Variants in MGRN1 observed in about 807,000 individuals in gnomAD.
MGRN1 encodes the protein mahogunin ring finger 1, also known as E3 ubiquitin-protein ligase MGRN1.
MGRN1 carries 29 observed loss-of-function variants against 69.2 expected under a neutral mutation model. That is an observed-to-expected ratio of 0.42 (90% confidence interval 0.31 to 0.57). The LOEUF (loss-of-function observed/expected upper bound fraction) is 0.57. Ranked by LOEUF, MGRN1 falls within the 20% of genes least tolerant of loss-of-function variation. The pLI, the probability that MGRN1 is intolerant of heterozygous loss-of-function variation, is 0.15. For missense variants in MGRN1, 998 were observed against 796.2 expected, an observed-to-expected ratio of 1.25 and a Z score of -3.05; for synonymous variants, 470 against 344.2, an observed-to-expected ratio of 1.37 and a Z score of -4.04.
At chr16:4,632,579 G>T (rs1898064961) in intron 1 of MGRN1, among the ~76,000 whole-genome samples, 1 of 151,920 alleles carries the variant, frequency 6.6e-6, no homozygotes, top group Non-Finnish European at 1.5e-5. Flanking sequence ...TATTTTTAGT[G>T]GAGATGTGGT....
intron 16 of MGRN1, 84 bp from the exon 17 acceptor site, chr16:4,688,712 C>A (rs747707331): frequency 2.2e-5 from 32 of 1,477,742 alleles, no homozygotes; most frequent in Non-Finnish European, 2.7e-5. Context: ...GGCCCAGCCC[C>A]TCTGGGGCTC....
At position 4,667,977 on chromosome 16, in the gene MGRN1, C is replaced by G. The variant is rs143036630; in HGVS notation, c.679-288C>G. On this transcript the variant is annotated intron_variant, in intron 7 of 16. Transcript: ENST00000262370. ...CTGATTGGCATTCAGCTTGAGTGTG[C>G]TTGAGACCAACCGAGGAGAGTTGGG... Among the ~76,000 whole-genome samples the G allele has an allele frequency of 3.3e-3, 499 of 152,200 alleles. 3 individuals are homozygous for G. Among genetic ancestry groups the G allele is most frequent in the African/African-American group, 0.011 (472 of 41,512 alleles).
At chr16:4,664,312 A>T in intron 5 of MGRN1, 1 of 279,180 alleles carries the variant, frequency 3.6e-6, no homozygotes. Flanking sequence ...AAAAATGGCA[A>T]ATCCCTGGAG....
At chr16:4,677,312 A>G (rs2079073796) in intron 10 of MGRN1, 151 bp from the exon 11 acceptor site, 3 of 469,318 alleles carry the variant, frequency 6.4e-6, no homozygotes, top group Non-Finnish European at 7.4e-6. Flanking sequence ...CCTTAAAACT[A>G]AAAGAAAAAA....
At chr16:4,664,294 A>G in intron 5 of MGRN1, 1 of 270,806 alleles carries the variant, frequency 3.7e-6, no homozygotes, top group East Asian at 9.2e-5. Context: ...CATGTAAATG[A>G]CAGGTCCAAA....
rs531443932 is a variant in MGRN1, at chr16:4,688,817, C to T, written c.1640C>T (p.Thr547Met). 280 of 1,552,018 alleles carry T rather than the reference C, an allele frequency of 1.8e-4. 4 individuals are homozygous for T. The South Asian group carries it at 2.6e-3, about 15-fold the overall frequency. ...GCAGGACGGCCCACCTCCATGGAGA[C>T]GGCCCACGGCCTCGCCACCACCAGC... ...YLPGRPTSME[T>M]AHGLATTSPT... The change falls in exon 17 of 17, where the codon ACG (threonine) becomes ATG (methionine). Residue 547 changes from threonine (T) to methionine (M), a missense_variant. By Grantham distance (81) the Thr-to-Met change is moderately conservative. Coordinates refer to ENST00000262370, the MANE Select transcript of MGRN1 (RefSeq NM_015246.4).
rs977592404 is a variant in MGRN1, at chr16:4,687,493, C to T, written c.1619-1303C>T. The T allele has an allele frequency of 1.9e-5, 19 of 975,072 alleles. No homozygotes were observed. In the African/African-American group the frequency reaches 3.4e-4, roughly 17 times the overall value. 60.4% of individuals were successfully genotyped at this position (975,072 alleles called of 1,614,324 possible). A position where few individuals can be genotyped will look rare whatever the true frequency, so the allele number is the denominator to read the frequency against. ...CTGGGGAGGTCAAGGCCCACTCCAGCCTGAGACGCTGTCTCAATAAAAAAA... is the reference window on the plus strand; with the variant it reads ...CTGGGGAGGTCAAGGCCCACTCCAGTCTGAGACGCTGTCTCAATAAAAAAA... On this transcript the variant is annotated intron_variant, in intron 16 of 16. Transcript: ENST00000262370.
rs113342903 is a variant in MGRN1, at chr16:4,674,578, C to CTT, written c.955+932_955+933dup. Among the ~76,000 whole-genome samples, 852 of 118,940 alleles carry CTT rather than the reference C, an allele frequency of 7.2e-3. 8 individuals carry two copies. The highest frequency in any genetic ancestry group is 0.026 in the African/African-American group (803 of 30,684). The allele number at this position is 118,940 out of a possible 152,430, so 78.0% of individuals were successfully genotyped here. On this transcript the variant is annotated intron_variant, in intron 10 of 16. Transcript: ENST00000262370. ...CTGGAATTACAAGCGTGAGCCACCG[C>CTT]TTTTTTTTTTTTCTTTTCTTTTCTT...
intron 1 of MGRN1, among the ~76,000 whole-genome samples, chr16:4,646,917 G>A (rs1488463555): frequency 6.6e-6 from 1 of 152,022 alleles, no homozygotes; most frequent in African/African-American, 2.4e-5. Context: ...GCCTCGGCCT[G>A]GAAGGCCTGG....
intron 1 of MGRN1, among the ~76,000 whole-genome samples, chr16:4,631,512 G>T (rs1194106068): frequency 1.3e-5 from 2 of 152,232 alleles, no homozygotes; most frequent in Non-Finnish European, 2.9e-5. Flanking sequence ...CATCTGTTGG[G>T]TAGAGGCCAC....
chr16:4,682,686 C>T (rs2079215763), intron 13 of MGRN1, 137 bp from the exon 14 acceptor site: 1 of 1,049,584 alleles, frequency 9.5e-7, no homozygotes, highest in Non-Finnish European at 1.3e-6. Flanking sequence ...CTGGTGATGC[C>T]CTTCTCCAGG....
intron 4 of MGRN1, among the ~76,000 whole-genome samples, chr16:4,654,642 C>T (rs1442203425): frequency 1.3e-5 from 2 of 152,256 alleles, no homozygotes; most frequent in Admixed American, 1.3e-4. Context: ...CTTGGGGGCA[C>T]ATGACTGCTT....
At position 4,668,414 on chromosome 16, in the gene MGRN1, CATAT is replaced by C; in HGVS notation, c.726+104_726+107del. 3 of 1,227,904 alleles carry C rather than the reference CATAT, an allele frequency of 2.4e-6. No individual in the cohort carries two copies. The South Asian group carries it at 3.9e-5, about 16-fold the overall frequency. 76.1% of individuals were successfully genotyped at this position (1,227,904 alleles called of 1,614,324 possible). A position where few individuals can be genotyped will look rare whatever the true frequency, so the allele number is the denominator to read the frequency against. On this transcript the variant is annotated intron_variant, in intron 8 of 16. Coordinates refer to ENST00000262370, the MANE Select transcript of MGRN1 (RefSeq NM_015246.4). ...ATAGACACACACTCATACACACGCA[CATAT>C]ACTCATACACGCTCATACACACTCA...
chr16:4,654,855 TCC>T lies in MGRN1; in HGVS notation c.443+2034_443+2035del, dbSNP rs146658782. On this transcript the variant is annotated intron_variant, in intron 4 of 16. Coordinates refer to ENST00000262370, the MANE Select transcript of MGRN1 (RefSeq NM_015246.4). The stretch of plus-strand genomic sequence containing the variant: ...CCGCCCTTGGGCTCTGGCCTTGGGC[TCC>T]CCGGCAGCCAGGGCTCCTCCTGTGG... 6.4e-3 allele frequency among the ~76,000 whole-genome samples: 981 copies of T among 152,310 alleles called. 13 individuals carry two copies. Among genetic ancestry groups the T allele is most frequent in the African/African-American group, 0.023 (940 of 41,566 alleles).
At chr16:4,625,344 G>A (rs1248843683) in intron 1 of MGRN1, among the ~76,000 whole-genome samples, 1 of 152,170 alleles carries the variant, frequency 6.6e-6, no homozygotes, top group Non-Finnish European at 1.5e-5. Context: ...GCTCCTGGGG[G>A]AAACCCCGAG....
intron 9 of MGRN1, chr16:4,672,447 C>T (rs1484648469): frequency 4.4e-6 from 2 of 456,638 alleles, no homozygotes; most frequent in Non-Finnish European, 4.4e-6. Context: ...CATCTGGGCC[C>T]AGGACAACTG....
intron 1 of MGRN1, among the ~76,000 whole-genome samples, chr16:4,631,164 C>T (rs1026977465): frequency 6.6e-6 from 1 of 152,094 alleles, no homozygotes; most frequent in Admixed American, 6.6e-5. Flanking sequence ...AAGATCTAAA[C>T]CCCCCTTTTT....
At chr16:4,686,713 A>G (rs142985867) in intron 16 of MGRN1, 299 of 1,019,702 alleles carry the variant, frequency 2.9e-4, no homozygotes, top group Non-Finnish European at 3.3e-4. Flanking sequence ...ACATGGGGTG[A>G]GCGTCCCAAG....
At position 4,684,061 on chromosome 16, in the gene MGRN1, C is replaced by G. The variant is rs1321332733; in HGVS notation, c.1618+129C>G. 1.2e-5 allele frequency: 10 copies of G among 817,234 alleles called. No individual in the cohort carries two copies. In the Admixed American group the frequency reaches 1.6e-4, roughly 13 times the overall value. The allele number at this position is 817,234 out of a possible 1,614,324, so 50.6% of individuals were successfully genotyped here. A position where few individuals can be genotyped will look rare whatever the true frequency, so the allele number is the denominator to read the frequency against. ...TTGGAGCCTGGTTCTCTCCCTGGCT[C>G]TCAGCCATGCCCCTGCTATTGACCG... is the stretch of plus-strand genomic sequence containing the variant. On this transcript the variant is annotated intron_variant, in intron 16 of 16. Transcript: ENST00000262370.
Sources: gnomAD v4.1 joint callset for allele counts (sites outside exome capture counted in the v4.1 genomes callset) on GRCh38, gnomAD v4.1.1 for gene constraint, MANE v1.5 for transcripts, NCBI Gene and HGNC (gene_info 2026-07-23, HGNC 2026-07-21) for gene names.